RFTN2: variants seen among roughly 807,000 people sequenced by gnomAD.
RFTN2 encodes raftlin family member 2.
In RFTN2, 34 loss-of-function variants were observed where a neutral mutation model predicts 52.7. The ratio of observed to expected loss-of-function variants is 0.64; its 90% confidence interval spans 0.49 to 0.86. RFTN2 has a LOEUF of 0.86. Among genes scored for constraint, RFTN2 ranks in the 40% least tolerant of loss-of-function variants. RFTN2 has a pLI of 0.00. For synonymous variants in RFTN2, 203 were observed against 217.7 expected (o/e 0.93, Z 0.59); for missense variants, 536 against 600.1 (o/e 0.89, Z 1.12).
chr2:197,668,470 C>T (rs527420891), intron 1 of RFTN2, among the ~76,000 whole-genome samples: 10 of 152,246 alleles, frequency 6.6e-5, no homozygotes, highest in South Asian at 2.1e-4. Context: ...GCTTGTGCCT[C>T]GGCCTCTGCT....
intron 3 of RFTN2, among the ~76,000 whole-genome samples, chr2:197,640,529 C>G (rs964576822): frequency 1.1e-4 from 16 of 152,314 alleles, no homozygotes; most frequent in South Asian, 4.1e-4. Context: ...TTCTTTGACT[C>G]GGAAAGGGAA....
chr2:197,595,991 A>G lies in RFTN2; in HGVS notation c.1233T>C (p.Asp411=), dbSNP rs751187607. The change falls in exon 8 of 9, where the codon GAT becomes GAC. Residue 411 remains aspartate (D), a splice_region_variant and synonymous_variant. Coordinates refer to ENST00000295049, the MANE Select transcript of RFTN2 (RefSeq NM_144629.3). ...VMWNSAAQTP[D]KKASRHIKGE... is the part of the protein sequence containing the mutation. ...TTAATAAAGCATCAATTTTACTCAC[A>G]TCTGGTGTTTGAGCAGCTGAATTCC... 3 of 1,593,582 alleles carry G rather than the reference A, an allele frequency of 1.9e-6. No individual in the cohort carries two copies. The highest frequency in any genetic ancestry group is 1.1e-5 in the South Asian group (1 of 90,550).
intron 8 of RFTN2, among the ~76,000 whole-genome samples, chr2:197,592,210 T>C (rs986233746): frequency 4.6e-5 from 7 of 152,196 alleles, no homozygotes; most frequent in African/African-American, 1.7e-4. Flanking sequence ...AAATTTTTTT[T>C]TTGAGATGGA....
intron 8 of RFTN2, among the ~76,000 whole-genome samples, chr2:197,594,679 T>C (rs1480786233): frequency 2.6e-5 from 4 of 152,136 alleles, no homozygotes; most frequent in Admixed American, 2.0e-4. Flanking sequence ...TCATCCTCAT[T>C]GTTGTGGAGG....
chr2:197,618,513 C>T (rs1482814271), intron 5 of RFTN2, among the ~76,000 whole-genome samples: 1 of 152,106 alleles, frequency 6.6e-6, no homozygotes, highest in Admixed American at 6.5e-5. Context: ...GCCACCCCGT[C>T]TGGGAAGTGA....
intron 1 of RFTN2, among the ~76,000 whole-genome samples, chr2:197,651,702 G>T (rs1312485165): frequency 6.6e-6 from 1 of 152,090 alleles, no homozygotes; most frequent in Non-Finnish European, 1.5e-5. Flanking sequence ...TTTTCTTCTA[G>T]GAGTTTTATA....
chr2:197,590,083 T>A (rs1405064915), intron 8 of RFTN2, among the ~76,000 whole-genome samples: 1 of 151,602 alleles, frequency 6.6e-6, no homozygotes, highest in African/African-American at 2.4e-5. Flanking sequence ...AATTTTTGTA[T>A]TTTTTGCAGA....
intron 8 of RFTN2, among the ~76,000 whole-genome samples, chr2:197,591,440 G>A (rs1272567610): frequency 6.6e-6 from 1 of 152,206 alleles, no homozygotes; most frequent in Admixed American, 6.5e-5. Context: ...CCCTTAGCTA[G>A]ACATAAAGGT....
At chr2:197,640,756 T>G (rs915677785) in intron 3 of RFTN2, among the ~76,000 whole-genome samples, 1 of 152,186 alleles carries the variant, frequency 6.6e-6, no homozygotes, top group Non-Finnish European at 1.5e-5. Flanking sequence ...TCTTGGCTCC[T>G]CCCCCAGGAA....
intron 5 of RFTN2, among the ~76,000 whole-genome samples, chr2:197,622,482 T>G (rs1182107649): frequency 6.6e-6 from 1 of 152,078 alleles, no homozygotes; most frequent in Non-Finnish European, 1.5e-5. Context: ...ATTTTTGTAT[T>G]TTTAGTAGAG....
intron 8 of RFTN2, among the ~76,000 whole-genome samples, chr2:197,592,642 G>GA (rs1204481987): frequency 6.6e-6 from 1 of 152,106 alleles, no homozygotes; most frequent in Non-Finnish European, 1.5e-5. Context: ...AAACATCTTT[G>GA]AAAAAATTCT....
At chr2:197,624,180 A>C (rs2088313921) in intron 5 of RFTN2, among the ~76,000 whole-genome samples, 2 of 152,342 alleles carry the variant, frequency 1.3e-5, no homozygotes, top group South Asian at 4.1e-4. Context: ...AGGATTTAGA[A>C]TATTAAATAA....
intron 1 of RFTN2, among the ~76,000 whole-genome samples, chr2:197,655,309 A>C (rs2088879436): frequency 6.6e-6 from 1 of 152,190 alleles, no homozygotes; most frequent in Non-Finnish European, 1.5e-5. Context: ...GCATCATTGG[A>C]ATAAGTTCTG....
intron 7 of RFTN2, among the ~76,000 whole-genome samples, chr2:197,614,133 G>A (rs190046686): frequency 1.4e-3 from 209 of 152,290 alleles, no homozygotes; most frequent in South Asian, 2.5e-3. Context: ...TGACCAGAAT[G>A]TAAGTCCCTT....
chr2:197,603,344 C>T (rs1289333051), intron 7 of RFTN2, among the ~76,000 whole-genome samples: 1 of 152,060 alleles, frequency 6.6e-6, no homozygotes, highest in East Asian at 1.9e-4. Flanking sequence ...AAAATTAAAA[C>T]CTTTTGTTAA....
Position 197,640,429 on chromosome 2 carries a change from A to G in RFTN2, c.438+3729T>C, listed in dbSNP as rs533207677. On this transcript the variant is annotated intron_variant, in intron 3 of 8. Transcript: ENST00000295049. The stretch of plus-strand genomic sequence containing the variant: ...CCCTCCGAGCCAGGTGCCGGATATA[A>G]TCTCGTGGTGCGCCGTTTTTTAAGC... 4.4e-3 allele frequency among the ~76,000 whole-genome samples: 674 copies of G among 152,266 alleles called. 3 individuals are homozygous for G. The highest frequency in any genetic ancestry group is 8.2e-3 in the Admixed American group (126 of 15,302).
intron 6 of RFTN2, among the ~76,000 whole-genome samples, chr2:197,616,824 CCACT>C (rs1428917804): frequency 6.6e-6 from 1 of 152,106 alleles, no homozygotes; most frequent in Non-Finnish European, 1.5e-5. Context: ...TCCTTTTTCC[CCACT>C]CAATGGGTTT....
intron 7 of RFTN2, among the ~76,000 whole-genome samples, chr2:197,602,650 T>C (rs1289328306): frequency 6.6e-6 from 1 of 152,120 alleles, no homozygotes; most frequent in African/African-American, 2.4e-5. Context: ...GTGATCCTCC[T>C]GCCTTAGCCT....
intron 5 of RFTN2, among the ~76,000 whole-genome samples, chr2:197,624,795 TA>T (rs1283563409): frequency 6.6e-6 from 1 of 151,610 alleles, no homozygotes; most frequent in African/African-American, 2.4e-5. Flanking sequence ...ATCCTGTCTC[TA>T]AAAAAATAGC....
Sources: allele counts gnomAD v4.1 joint callset (sites outside exome capture counted in the v4.1 genomes callset), GRCh38; gene constraint gnomAD v4.1.1; transcripts MANE v1.5; gene names NCBI Gene and HGNC (gene_info 2026-07-23, HGNC 2026-07-21).